Variants in ATXN1 observed in about 807,000 individuals in gnomAD.
ATXN1 encodes ataxin 1, also known as ataxin-1.
Under a neutral mutation model 56.4 loss-of-function variants are expected in ATXN1, and 8 were observed. That is an observed-to-expected ratio of 0.14 (90% confidence interval 0.08 to 0.26). ATXN1 has a LOEUF of 0.26. Ranked by LOEUF, ATXN1 falls within the 10% of genes least tolerant of loss-of-function variation. The probability of loss-of-function intolerance (pLI) is 1.00; values close to 1 mark genes in which losing one functional copy is unlikely to be tolerated. For missense variants in ATXN1, 987 were observed against 1,106.5 expected (o/e 0.89, Z 1.53); for synonymous variants, 514 against 494.6 (o/e 1.04, Z -0.52).
intron 6 of ATXN1, among the ~76,000 whole-genome samples, chr6:16,451,916 T>C (rs1160594833): frequency 6.6e-6 from 1 of 152,182 alleles, no homozygotes; most frequent in Non-Finnish European, 1.5e-5. Context: ...AGTCTTGCTG[T>C]CTTTGTCTTT....
At chr6:16,723,940 A>G (rs1016351373) in intron 2 of ATXN1, among the ~76,000 whole-genome samples, 1 of 152,220 alleles carries the variant, frequency 6.6e-6, no homozygotes, top group Non-Finnish European at 1.5e-5. Context: ...AGACTAAAGC[A>G]TGTTGATTCT....
At position 16,572,741 on chromosome 6, in the gene ATXN1, T is replaced by A. The variant is rs192087086; in HGVS notation, c.-361+13039A>T. Among the ~76,000 whole-genome samples the A allele has an allele frequency of 2.0e-3, 304 of 152,322 alleles. 1 individual carries two copies. Among genetic ancestry groups the A allele is most frequent in the African/African-American group, 7.0e-3 (291 of 41,566 alleles). On this transcript the variant is annotated intron_variant, in intron 4 of 7. Coordinates refer to ENST00000436367, the MANE Select transcript of ATXN1 (RefSeq NM_001128164.2). ...TGCTCACTAGGTGATATTATCTACG[T>A]TGAAAAGACATGGTACCTGAAGATC... is the stretch of plus-strand genomic sequence containing the variant.
At chr6:16,443,769 G>GT (rs1451283046) in intron 6 of ATXN1, among the ~76,000 whole-genome samples, 1 of 152,142 alleles carries the variant, frequency 6.6e-6, no homozygotes, top group East Asian at 1.9e-4. Flanking sequence ...ATGAAGTTAA[G>GT]TAAAAGCCTT....
At chr6:16,394,979 A>T (rs549996062) in intron 6 of ATXN1, among the ~76,000 whole-genome samples, 1 of 152,368 alleles carries the variant, frequency 6.6e-6, no homozygotes, top group East Asian at 1.9e-4. Context: ...AACATAGCCA[A>T]TGTTAAAAAT....
At chr6:16,314,498 G>A (rs79307303) in intron 7 of ATXN1, among the ~76,000 whole-genome samples, 2,427 of 152,192 alleles carry the variant, frequency 0.016, 60 homozygotes, top group African/African-American at 0.054. Context: ...AAACAGAGAC[G>A]GTGTGATTTT....
Position 16,328,240 on chromosome 6 carries a change from C to A in ATXN1, c.71G>T (p.Arg24Leu). Residue 24 changes from arginine to leucine, a missense_variant, in exon 7 of 8, where the codon CGG becomes CTG. Physicochemically the swap from Arg to Leu is moderately radical, Grantham distance 102. This residue lies in a region of ATXN1 where 723 missense variants were observed against 791.7 expected (regional missense o/e 0.91). Coordinates refer to ENST00000436367, the MANE Select transcript of ATXN1 (RefSeq NM_001128164.2). This position sits in a 1 kb window ranked among gnomAD's most constrained non-coding sequence, Gnocchi z 6.2. ...PKKREIPATS[R>L]SSEEKAPTLP... is the part of the protein sequence containing the mutation. Reference sequence around the variant, plus strand: ...GGTAGGGGCCTTCTCCTCGGAGGACCGGCTGGTGGCGGGGATCTCGCGCTT... The same window carrying A: ...GGTAGGGGCCTTCTCCTCGGAGGACAGGCTGGTGGCGGGGATCTCGCGCTT... The A allele has an allele frequency of 6.4e-7, 1 of 1,554,314 alleles. No homozygotes were observed. The highest frequency in any genetic ancestry group is 8.7e-7 in the Non-Finnish European group (1 of 1,149,428).
chr6:16,299,887 T>C lies in ATXN1; in HGVS notation c.*6442A>G, dbSNP rs2113360567. On this transcript the variant is annotated 3_prime_UTR_variant, in exon 8 of 8. Transcript: ENST00000436367. The stretch of plus-strand genomic sequence containing the variant: ...TGAATGCACAGGTATCAAGTTCAAA[T>C]GCACTAACTAAAGGATTTACCCCAC... The C allele has an allele frequency of 6.5e-6, 1 of 152,776 alleles. No homozygotes were observed. Among genetic ancestry groups the C allele is most frequent in the Admixed American group, 6.5e-5 (1 of 15,300 alleles). 9.5% of individuals were successfully genotyped at this position (152,776 alleles called of 1,614,324 possible). A position where few individuals can be genotyped will look rare whatever the true frequency, so the allele number is the denominator to read the frequency against.
chr6:16,561,958 A>G (rs1210149499), intron 4 of ATXN1, among the ~76,000 whole-genome samples: 1 of 152,234 alleles, frequency 6.6e-6, no homozygotes, highest in Non-Finnish European at 1.5e-5. Flanking sequence ...GTGGTTATAC[A>G]CACTTAGGCA....
chr6:16,562,149 G>A (rs1406641247), intron 4 of ATXN1, among the ~76,000 whole-genome samples: 1 of 151,996 alleles, frequency 6.6e-6, no homozygotes, highest in Non-Finnish European at 1.5e-5. Flanking sequence ...CGAGGCAGGC[G>A]GATTGCTTGA....
intron 6 of ATXN1, among the ~76,000 whole-genome samples, chr6:16,416,275 T>G (rs1005596544): frequency 1.3e-5 from 2 of 152,168 alleles, no homozygotes; most frequent in Admixed American, 1.3e-4. Context: ...TAGAAGGATC[T>G]CTCAATATAG....
chr6:16,586,085 T>C (rs1285748172), intron 3 of ATXN1, among the ~76,000 whole-genome samples, 178 bp from the exon 4 acceptor site: 1 of 150,876 alleles, frequency 6.6e-6, no homozygotes, highest in Non-Finnish European at 1.5e-5. Context: ...TAAATCAGAA[T>C]GTCAAAAACT....
At chr6:16,512,170 AG>A (rs1330082301) in intron 5 of ATXN1, among the ~76,000 whole-genome samples, 1 of 152,210 alleles carries the variant, frequency 6.6e-6, no homozygotes, top group African/African-American at 2.4e-5. Flanking sequence ...GCTCCTCAGA[AG>A]TTCTGCCACC....
chr6:16,696,236 C>T (rs1258607966), intron 2 of ATXN1, among the ~76,000 whole-genome samples: 5 of 152,004 alleles, frequency 3.3e-5, no homozygotes, highest in Admixed American at 6.6e-5. Flanking sequence ...TCTGGTTTCT[C>T]TTAAGTTTAC....
intron 3 of ATXN1, among the ~76,000 whole-genome samples, chr6:16,594,897 G>A (rs1156529879): frequency 6.6e-6 from 1 of 152,222 alleles, no homozygotes; most frequent in Non-Finnish European, 1.5e-5. Flanking sequence ...TACTTCGTAA[G>A]ATGACGGTTA....
intron 3 of ATXN1, among the ~76,000 whole-genome samples, chr6:16,636,819 C>A (rs898064116): frequency 3.3e-5 from 5 of 152,068 alleles, no homozygotes; most frequent in African/African-American, 7.3e-5. Flanking sequence ...TTACACCTAA[C>A]GACGGCCTGG....
At chr6:16,655,868 T>G (rs1758188847) in intron 3 of ATXN1, among the ~76,000 whole-genome samples, 1 of 151,804 alleles carries the variant, frequency 6.6e-6, no homozygotes, top group East Asian at 1.9e-4. Flanking sequence ...GGCAGGCGGA[T>G]CACCTGAGGT....
chr6:16,633,433 C>T (rs921709936), intron 3 of ATXN1, among the ~76,000 whole-genome samples: 12 of 152,320 alleles, frequency 7.9e-5, no homozygotes, highest in African/African-American at 2.2e-4. Context: ...CATGACCACA[C>T]GACCCATATG....
At chr6:16,579,446 T>C (rs1392616902) in intron 4 of ATXN1, among the ~76,000 whole-genome samples, 2 of 130,324 alleles carry the variant, frequency 1.5e-5, no homozygotes, top group Non-Finnish European at 3.1e-5. Context: ...ATGGAGAACT[T>C]GGAAGCACAG....
chr6:16,575,976 TC>T (rs1561762468), intron 4 of ATXN1, among the ~76,000 whole-genome samples: 1 of 152,152 alleles, frequency 6.6e-6, no homozygotes, highest in Admixed American at 6.6e-5. Context: ...CCCTGAATCT[TC>T]TAAACTAATT....
Sources: allele counts gnomAD v4.1 joint callset (sites outside exome capture counted in the v4.1 genomes callset), GRCh38; gene constraint gnomAD v4.1.1; regional missense constraint gnomAD v4.1.1; non-coding constraint Gnocchi (gnomAD v3.1); transcripts MANE v1.5; gene names NCBI Gene and HGNC (gene_info 2026-07-23, HGNC 2026-07-21).